Variants in FRMD5 observed in about 807,000 individuals in gnomAD.
FRMD5 encodes FERM domain-containing protein 5.
A neutral mutation model predicts 69.0 loss-of-function variants in FRMD5; 20 were observed. That is an observed-to-expected ratio of 0.29 (90% CI 0.20 to 0.42). The LOEUF (loss-of-function observed/expected upper bound fraction) is 0.42. Among genes scored for constraint, FRMD5 ranks in the 10% least tolerant of loss-of-function variants. The pLI is 1.00. For synonymous variants in FRMD5, 271 were observed against 260.1 expected (o/e 1.04, Z -0.40); for missense variants, 595 against 708.6 (o/e 0.84, Z 1.82).
At chr15:44,127,365 T>A (rs1187238096) in intron 1 of FRMD5, among the ~76,000 whole-genome samples, 1 of 152,236 alleles carries the variant, frequency 6.6e-6, no homozygotes, top group Non-Finnish European at 1.5e-5. Flanking sequence ...GTGCTGTGAT[T>A]ACAGGCGTAA....
At chr15:43,933,897 C>G (rs146507895) in intron 1 of FRMD5, among the ~76,000 whole-genome samples, 1 of 152,140 alleles carries the variant, frequency 6.6e-6, no homozygotes, top group Admixed American at 6.5e-5. Flanking sequence ...AAACTCAATC[C>G]GGGGAAAGAA....
intron 13 of FRMD5, among the ~76,000 whole-genome samples, chr15:43,881,973 C>G (rs2088540996): frequency 6.6e-6 from 1 of 152,190 alleles, no homozygotes; most frequent in Admixed American, 6.5e-5. Context: ...GGCTGTCCTG[C>G]CAGCTTCCAC....
intron 1 of FRMD5, among the ~76,000 whole-genome samples, chr15:44,099,969 G>GC (rs1028854628): frequency 6.6e-6 from 1 of 151,064 alleles, no homozygotes; most frequent in East Asian, 1.9e-4. Flanking sequence ...CACTCTGAAA[G>GC]CCCCCCTACA....
chr15:43,941,339 C>A (rs1177297675), intron 1 of FRMD5, among the ~76,000 whole-genome samples: 2 of 152,216 alleles, frequency 1.3e-5, no homozygotes, highest in Non-Finnish European at 2.9e-5. Context: ...CAGCCACAAA[C>A]TCCTGGGCTT....
chr15:44,123,596 A>G (rs1455296466), intron 1 of FRMD5, among the ~76,000 whole-genome samples: 1 of 152,170 alleles, frequency 6.6e-6, no homozygotes, highest in Non-Finnish European at 1.5e-5. Context: ...AAAAATAAAG[A>G]AACCAGAAAA....
chr15:43,945,316 A>G lies in FRMD5; in HGVS notation c.103-21007T>C, dbSNP rs145764587. The stretch of plus-strand genomic sequence containing the variant: ...GTTCAATAGGAAGTGCTTGGTCATT[A>G]TAGGAAGTAAAGACTCCCTTCATTA... On this transcript the variant is annotated intron_variant, in intron 1 of 13. Coordinates refer to ENST00000417257, the MANE Select transcript of FRMD5 (RefSeq NM_032892.5). 1.8e-4 allele frequency among the ~76,000 whole-genome samples: 28 copies of G among 152,262 alleles called. No individual in the cohort carries two copies. In the East Asian group the frequency reaches 5.4e-3, roughly 29 times the overall value.
chr15:44,199,211 G>A (rs1000622333), upstream of FRMD5, among the ~76,000 whole-genome samples: 2 of 151,952 alleles, frequency 1.3e-5, no homozygotes, highest in Non-Finnish European at 2.9e-5. Flanking sequence ...ACACAGCTAA[G>A]ACCAAGCTAT....
chr15:44,167,232 G>GTGGGACATC (rs1250951794), intron 1 of FRMD5, among the ~76,000 whole-genome samples: 3 of 152,102 alleles, frequency 2.0e-5, no homozygotes, highest in African/African-American at 7.2e-5. Flanking sequence ...GCCAAGCATG[G>GTGGGACATC]TGGGACATCC....
chr15:44,110,132 G>A (rs1436650727), intron 1 of FRMD5, among the ~76,000 whole-genome samples: 1 of 151,894 alleles, frequency 6.6e-6, no homozygotes, highest in Non-Finnish European at 1.5e-5. Flanking sequence ...GAACATTTTG[G>A]TTGCTTCCAA....
At chr15:43,975,210 G>A (rs1174124113) in intron 1 of FRMD5, among the ~76,000 whole-genome samples, 4 of 152,216 alleles carry the variant, frequency 2.6e-5, no homozygotes, top group Non-Finnish European at 4.4e-5. Context: ...GAATATGCCA[G>A]GGAATACCAG....
At chr15:44,043,383 G>A (rs1446417844) in intron 1 of FRMD5, among the ~76,000 whole-genome samples, 2 of 152,022 alleles carry the variant, frequency 1.3e-5, no homozygotes. Flanking sequence ...CTATCCACAT[G>A]AAGCTACCAC....
At chr15:44,080,174 A>G (rs1163449652) in intron 1 of FRMD5, among the ~76,000 whole-genome samples, 1 of 152,120 alleles carries the variant, frequency 6.6e-6, no homozygotes, top group Non-Finnish European at 1.5e-5. Flanking sequence ...TAAGAAAATA[A>G]AACTTTTTAT....
At chr15:44,119,826 G>A (rs966817082) in intron 1 of FRMD5, among the ~76,000 whole-genome samples, 1 of 151,810 alleles carries the variant, frequency 6.6e-6, no homozygotes, top group African/African-American at 2.4e-5. Flanking sequence ...CATGAGCACA[G>A]GGATCTTTGC....
Position 44,022,906 on chromosome 15 carries a change from G to C in FRMD5, c.103-98597C>G, listed in dbSNP as rs539071737. Among the ~76,000 whole-genome samples, 4 of 152,168 alleles carry C rather than the reference G, an allele frequency of 2.6e-5. No individual in the cohort carries two copies. In the South Asian group the frequency reaches 8.3e-4, roughly 32 times the overall value. ...ATCAGATTAATGTTACAAAGTTTTG[G>C]GTTATATGCATTTGTTACAGAATGG... On this transcript the variant is annotated intron_variant, in intron 1 of 13. Transcript: ENST00000417257.
intron 1 of FRMD5, among the ~76,000 whole-genome samples, chr15:44,128,107 G>A (rs2077048339): frequency 6.6e-6 from 1 of 152,062 alleles, no homozygotes; most frequent in South Asian, 2.1e-4. Flanking sequence ...TGAAGCTTCT[G>A]AGAAAAAAAG....
intron 1 of FRMD5, among the ~76,000 whole-genome samples, chr15:43,963,774 G>A (rs1208868777): frequency 3.9e-5 from 6 of 152,156 alleles, no homozygotes; most frequent in African/African-American, 1.4e-4. Flanking sequence ...GATGAAGCTG[G>A]AAACCATCAT....
chr15:44,166,017 G>T (rs2077703187), intron 1 of FRMD5, among the ~76,000 whole-genome samples: 1 of 151,832 alleles, frequency 6.6e-6, no homozygotes. Flanking sequence ...ATTTCCTTAG[G>T]GGAGATTCCT....
chr15:44,069,221 G>T (rs747939621), intron 1 of FRMD5, among the ~76,000 whole-genome samples: 2 of 152,132 alleles, frequency 1.3e-5, no homozygotes, highest in African/African-American at 2.4e-5. Context: ...TTCACACATT[G>T]TCAGTGGGAA....
upstream of FRMD5, among the ~76,000 whole-genome samples, chr15:44,195,573 G>A (rs1221912460): frequency 6.6e-6 from 1 of 152,236 alleles, no homozygotes; most frequent in Non-Finnish European, 1.5e-5. Context: ...TCTGCCGCCT[G>A]AAATACACTT....
Sources: gnomAD v4.1 joint callset for allele counts (sites outside exome capture counted in the v4.1 genomes callset) on GRCh38, gnomAD v4.1.1 for gene constraint, MANE v1.5 for transcripts, NCBI Gene and HGNC (gene_info 2026-07-23, HGNC 2026-07-21) for gene names.